OPRD1: variants seen among roughly 807,000 people sequenced by gnomAD.
The protein encoded by OPRD1 is delta-type opioid receptor.
A neutral mutation model predicts 17.5 loss-of-function variants in OPRD1; 19 were observed. That is an observed-to-expected ratio of 1.09 (90% CI 0.76 to 1.60). The LOEUF is 1.60. Ranked by LOEUF, OPRD1 falls within the 40% of genes most tolerant of loss-of-function variation. OPRD1 has a pLI of 0.00. For missense variants in OPRD1, 483 were observed against 547.2 expected (o/e 0.88, Z 1.17); for synonymous variants, 256 against 240.9 (o/e 1.06, Z -0.58).
At chr1:28,846,895 C>CTCTT (rs1302039793) in intron 1 of OPRD1, among the ~76,000 whole-genome samples, 75 of 34,004 alleles carry the variant, frequency 2.2e-3, no homozygotes, top group African/African-American at 4.6e-3. Flanking sequence ...TCTTTCTTTT[C>CTCTT]TCTTTCTTTC....
chr1:28,818,163 G>C (rs1251529540), intron 1 of OPRD1, among the ~76,000 whole-genome samples: 1 of 152,224 alleles, frequency 6.6e-6, no homozygotes, highest in African/African-American at 2.4e-5. Context: ...CAGAGTGCAG[G>C]TGGGCTGTTG....
chr1:28,854,570 G>A (rs1016754981), intron 1 of OPRD1, among the ~76,000 whole-genome samples: 1 of 152,052 alleles, frequency 6.6e-6, no homozygotes, highest in Non-Finnish European at 1.5e-5. Flanking sequence ...GATGAATTGT[G>A]GGAGAGGGAG....
chr1:28,812,519 C>G lies in OPRD1; in HGVS notation c.136C>G (p.Leu46Val). 2 of 1,579,154 alleles carry G rather than the reference C, an allele frequency of 1.3e-6. No individual in the cohort carries two copies. Among genetic ancestry groups the G allele is most frequent in the Non-Finnish European group, 1.7e-6 (2 of 1,170,460 alleles). The change falls in exon 1 of 3, where the codon CTC becomes GTC. Residue 46 changes from leucine to valine, a missense_variant. Transcript: ENST00000234961. ...GPPGARSASS[L>V]ALAIAITALY... The stretch of plus-strand genomic sequence containing the variant: ...GCCAGGCGCGCGGAGCGCCTCGTCC[C>G]TCGCCCTGGCAATCGCCATCACCGC...
At chr1:28,839,898 C>T (rs1466313264) in intron 1 of OPRD1, among the ~76,000 whole-genome samples, 3 of 152,062 alleles carry the variant, frequency 2.0e-5, no homozygotes, top group African/African-American at 7.2e-5. Flanking sequence ...GGAAGAAGGA[C>T]GAAAGGAGAC....
chr1:28,848,961 C>CA (rs1221390191), intron 1 of OPRD1, among the ~76,000 whole-genome samples: 1 of 152,178 alleles, frequency 6.6e-6, no homozygotes, highest in African/African-American at 2.4e-5. Flanking sequence ...TAGGCACCCC[C>CA]ATCTTTGTAT....
chr1:28,818,509 G>A (rs76581695), intron 1 of OPRD1, among the ~76,000 whole-genome samples: 16,625 of 152,170 alleles, frequency 0.11, 1,171 homozygotes, highest in African/African-American at 0.2. Flanking sequence ...AGAGGTGTGA[G>A]TGGAGCATTC....
chr1:28,861,708 G>A (rs59258306), intron 2 of OPRD1, among the ~76,000 whole-genome samples: 5,541 of 152,018 alleles, frequency 0.036, 230 homozygotes, highest in African/African-American at 0.11. Context: ...GCCTCCCAAA[G>A]TGCTGGGATT....
Position 28,863,150 on chromosome 1 carries a change from T to G in OPRD1, c.986T>G (p.Phe329Cys). The G allele has an allele frequency of 6.2e-7, 1 of 1,606,300 alleles. No homozygotes were observed. The highest frequency in any genetic ancestry group is 8.5e-7 in the Non-Finnish European group (1 of 1,178,734). Residue 329 changes from phenylalanine (F) to cysteine (C), a missense_variant, in exon 3 of 3, where the codon TTC (phenylalanine) becomes TGC (cysteine). Physicochemically the swap from Phe to Cys is radical, Grantham distance 205. Transcript: ENST00000234961. Reference protein sequence around the residue: ...AFLDENFKRCFRQLCRKPCGR... With the variant: ...AFLDENFKRCCRQLCRKPCGR... ...CTCGACGAGAACTTCAAGCGCTGCT[T>G]CCGCCAGCTCTGCCGCAAGCCCTGC... is the stretch of plus-strand genomic sequence containing the variant.
In OPRD1 at chr1:28,858,965, T is replaced by C; in HGVS notation, c.239T>C (p.Met80Thr). The C allele has an allele frequency of 6.2e-7, 1 of 1,610,218 alleles. No individual in the cohort carries two copies. Among genetic ancestry groups the C allele is most frequent in the Non-Finnish European group, 8.5e-7 (1 of 1,179,422 alleles). The change falls in exon 2 of 3, where the codon ATG becomes ACG. Residue 80 changes from methionine (M) to threonine (T), a missense_variant. Transcript: ENST00000234961. ...VMFGIVRYTKMKTATNIYIFN... is the reference protein window; with the variant it reads ...VMFGIVRYTKTKTATNIYIFN... ...CATTTCTTTCTAAGGTACACTAAGA[T>C]GAAGACGGCCACCAACATCTACATC... is the stretch of plus-strand genomic sequence containing the variant.
chr1:28,851,540 C>T (rs1481780955), intron 1 of OPRD1, among the ~76,000 whole-genome samples: 2 of 152,312 alleles, frequency 1.3e-5, no homozygotes, highest in African/African-American at 4.8e-5. Context: ...GACAGGTGCG[C>T]AGCTGGTGTA....
intron 1 of OPRD1, among the ~76,000 whole-genome samples, chr1:28,819,524 C>T (rs556353252): frequency 7.2e-5 from 11 of 152,324 alleles, no homozygotes; most frequent in African/African-American, 2.6e-4. Flanking sequence ...TCCTAAGCTT[C>T]TGCCACATGC....
Position 28,869,342 on chromosome 1 carries a change from C to G in OPRD1, c.*6059C>G. 6.6e-6 allele frequency: 1 copy of G among 152,170 alleles called. No individual in the cohort carries two copies. Among genetic ancestry groups the G allele is most frequent in the Admixed American group, 6.6e-5 (1 of 15,246 alleles). 9.4% of individuals were successfully genotyped at this position (152,170 alleles called of 1,614,324 possible). ...GGCTTAGAGAGGAGCTGGAGGGGGC[C>G]CTCGAGGTGGACGTAGTGATGCAGT... On this transcript the variant is annotated 3_prime_UTR_variant, in exon 3 of 3. Transcript: ENST00000234961.
intron 1 of OPRD1, among the ~76,000 whole-genome samples, chr1:28,850,783 AAATAATAATAATAATAAT>A (rs144560328): frequency 0.013 from 1,758 of 135,900 alleles, 19 homozygotes; most frequent in South Asian, 0.022. Context: ...ATCTGTCTCA[AAATAATAATAATAATAAT>A]AATAATAATA....
In OPRD1 at chr1:28,859,236, C is replaced by G; in HGVS notation, c.510C>G (p.Ile170Met). 6.2e-7 allele frequency: 1 copy of G among 1,614,272 alleles called. No individual in the cohort carries two copies. Among genetic ancestry groups the G allele is most frequent in the Non-Finnish European group, 8.5e-7 (1 of 1,180,052 alleles). ...RTPAKAKLIN[I>M]CIWVLASGVG... The stretch of plus-strand genomic sequence containing the variant: ...CTGCCAAGGCCAAGCTGATCAACAT[C>G]TGTATCTGGGTCCTGGCCTCAGGCG... Residue 170 changes from isoleucine to methionine, a missense_variant, in exon 2 of 3, where the codon ATC (isoleucine) becomes ATG (methionine). Coordinates refer to ENST00000234961, the MANE Select transcript of OPRD1 (RefSeq NM_000911.4).
At chr1:28,823,148 G>T (rs887726239) in intron 1 of OPRD1, among the ~76,000 whole-genome samples, 1 of 151,314 alleles carries the variant, frequency 6.6e-6, no homozygotes, top group African/African-American at 2.4e-5. Flanking sequence ...TTTGTCTCTG[G>T]CCAGGAAGGG....
chr1:28,860,138 G>T (rs2089099903), intron 2 of OPRD1, among the ~76,000 whole-genome samples: 1 of 152,218 alleles, frequency 6.6e-6, no homozygotes, highest in South Asian at 2.1e-4. Context: ...GCCAAGGCGG[G>T]TGAATCACTT....
chr1:28,865,873 C>G lies in OPRD1; in HGVS notation c.*2590C>G, dbSNP rs1484579452. On this transcript the variant is annotated 3_prime_UTR_variant, in exon 3 of 3. Transcript: ENST00000234961. Reference sequence around the variant, plus strand: ...TGAAGGAGGTGACATTGGAGCCAGGCTGTTTACTCTCCCTGCAGGACCTGT... The same window carrying G: ...TGAAGGAGGTGACATTGGAGCCAGGGTGTTTACTCTCCCTGCAGGACCTGT... 1 of 152,264 alleles carries G rather than the reference C, an allele frequency of 6.6e-6. No individual in the cohort carries two copies. Among genetic ancestry groups the G allele is most frequent in the African/African-American group, 2.4e-5 (1 of 41,454 alleles). The allele number at this position is 152,264 out of a possible 1,614,324, so 9.4% of individuals were successfully genotyped here. A position where few individuals can be genotyped will look rare whatever the true frequency, so the allele number is the denominator to read the frequency against.
intron 1 of OPRD1, among the ~76,000 whole-genome samples, chr1:28,841,617 G>C (rs527406295): frequency 1.3e-5 from 2 of 152,206 alleles, no homozygotes; most frequent in South Asian, 4.1e-4. Context: ...CAAAGCTGCT[G>C]GTCCTGTCCC....
chr1:28,820,350 A>G (rs943805493), intron 1 of OPRD1, among the ~76,000 whole-genome samples: 1 of 151,774 alleles, frequency 6.6e-6, no homozygotes, highest in Non-Finnish European at 1.5e-5. Flanking sequence ...GTGTGCCAAC[A>G]TACTAGGCTA....
Sources: gnomAD v4.1 joint callset for allele counts (sites outside exome capture counted in the v4.1 genomes callset) on GRCh38, gnomAD v4.1.1 for gene constraint, MANE v1.5 for transcripts, NCBI Gene and HGNC (gene_info 2026-07-23, HGNC 2026-07-21) for gene names.